The following EFCAB6 variants were observed in gnomAD, a reference collection of about 807,000 sequenced individuals.
The protein encoded by EFCAB6 is EF-hand calcium binding domain 6.
Under a neutral mutation model 169.8 loss-of-function variants are expected in EFCAB6, and 156 were observed. That is an observed-to-expected ratio of 0.92 (90% CI 0.81 to 1.05). The LOEUF is 1.05. EFCAB6 is among the 50% of genes least tolerant of loss of function. The pLI, the probability that EFCAB6 is intolerant of heterozygous loss-of-function variation, is 0.00. For synonymous variants in EFCAB6, 698 were observed against 676.4 expected, an observed-to-expected ratio of 1.03 and a Z score of -0.50; for missense variants, 1,800 against 1,829.1, an observed-to-expected ratio of 0.98 and a Z score of 0.29.
intron 7 of EFCAB6, among the ~76,000 whole-genome samples, chr22:43,733,908 C>T (rs1227511783): frequency 1.3e-5 from 2 of 152,058 alleles, no homozygotes; most frequent in Non-Finnish European, 2.9e-5. Context: ...GGGGTTTCAC[C>T]ATGTTGGCCA....
chr22:43,782,005 T>C (rs2061837486), intron 3 of EFCAB6, among the ~76,000 whole-genome samples, 175 bp downstream of exon 3: 1 of 152,206 alleles, frequency 6.6e-6, no homozygotes, highest in Non-Finnish European at 1.5e-5. Flanking sequence ...AATAGCTTAA[T>C]CAATCTGTGT....
intron 8 of EFCAB6, among the ~76,000 whole-genome samples, chr22:43,719,305 C>T (rs970032194): frequency 1.3e-5 from 2 of 152,334 alleles, no homozygotes; most frequent in Non-Finnish European, 2.9e-5. Context: ...AAGGATGATG[C>T]TACCCAATGT....
At chr22:43,568,137 C>T (rs2049573996) in intron 26 of EFCAB6, among the ~76,000 whole-genome samples, 1 of 152,176 alleles carries the variant, frequency 6.6e-6, no homozygotes. Flanking sequence ...TCATTGTCCC[C>T]ACCACAAGCC....
chr22:43,738,662 C>T lies in EFCAB6; in HGVS notation c.508-2669G>A, dbSNP rs550300227. On this transcript the variant is annotated intron_variant, in intron 6 of 31. Transcript: ENST00000262726. The stretch of plus-strand genomic sequence containing the variant: ...ACACACACTTGCATATACTGTCATA[C>T]ACACCATCACACACACTTGCACATA... Among the ~76,000 whole-genome samples the T allele has an allele frequency of 3.9e-5, 6 of 152,190 alleles. 1 individual carries two copies. The South Asian group carries it at 1.0e-3, about 26-fold the overall frequency.
At chr22:43,594,050 CG>C (rs1348613620) in intron 23 of EFCAB6, among the ~76,000 whole-genome samples, 3 of 151,876 alleles carry the variant, frequency 2.0e-5, no homozygotes, top group Non-Finnish European at 4.4e-5. Context: ...CCGAGGTGGG[CG>C]GATCACCTGA....
intron 24 of EFCAB6, among the ~76,000 whole-genome samples, chr22:43,586,622 C>T (rs1296564584): frequency 6.6e-6 from 1 of 152,020 alleles, no homozygotes; most frequent in Non-Finnish European, 1.5e-5. Flanking sequence ...GAGAATAAGA[C>T]TTCCAGTTAA....
At position 43,671,960 on chromosome 22, in the gene EFCAB6, A is replaced by G; in HGVS notation, c.1640+13T>C. ...AAACACGACATGAATTAATTTTGTT[A>G]CAAAAAACTTACTTTATGAAATGTG... On this transcript the variant is annotated intron_variant, in intron 15 of 31. Coordinates refer to ENST00000262726, the MANE Select transcript of EFCAB6 (RefSeq NM_022785.4). 6.2e-7 allele frequency: 1 copy of G among 1,610,294 alleles called. No individual in the cohort carries two copies.
intron 2 of EFCAB6, among the ~76,000 whole-genome samples, chr22:43,783,170 A>C (rs2061893016): frequency 6.6e-6 from 1 of 152,224 alleles, no homozygotes; most frequent in Admixed American, 6.5e-5. Context: ...ACAGCCTATC[A>C]TGAAGAGGCA....
intron 17 of EFCAB6, among the ~76,000 whole-genome samples, chr22:43,666,041 G>A (rs576475282): frequency 1.3e-5 from 2 of 152,292 alleles, no homozygotes; most frequent in Admixed American, 1.3e-4. Context: ...ACCTGCCTTG[G>A]CCTCCCAAAG....
At chr22:43,542,962 G>A (rs184321866) in intron 27 of EFCAB6, among the ~76,000 whole-genome samples, 58 of 152,322 alleles carry the variant, frequency 3.8e-4, no homozygotes, top group African/African-American at 1.3e-3. Context: ...GTCTCCTTGA[G>A]CCACCAGCTG....
intron 8 of EFCAB6, among the ~76,000 whole-genome samples, chr22:43,720,023 CA>C (rs1484009191): frequency 6.6e-6 from 1 of 151,910 alleles, no homozygotes; most frequent in African/African-American, 2.4e-5. Flanking sequence ...TCACCACACA[CA>C]AAAAAAGGTA....
chr22:43,620,239 G>C (rs1476518207), intron 20 of EFCAB6, among the ~76,000 whole-genome samples: 2 of 152,108 alleles, frequency 1.3e-5, no homozygotes, highest in Non-Finnish European at 2.9e-5. Flanking sequence ...GACCTGGGAG[G>C]TCAAGGCTGC....
At chr22:43,790,880 A>G (rs1413282006) in intron 2 of EFCAB6, among the ~76,000 whole-genome samples, 1 of 152,218 alleles carries the variant, frequency 6.6e-6, no homozygotes, top group East Asian at 1.9e-4. Context: ...CTGAAGGAGG[A>G]GTCCATCATA....
intron 2 of EFCAB6, among the ~76,000 whole-genome samples, chr22:43,789,659 C>T (rs557037497): frequency 2.6e-5 from 4 of 152,180 alleles, no homozygotes; most frequent in South Asian, 4.2e-4. Flanking sequence ...ATTTTTAATT[C>T]GTAGATACTG....
intron 5 of EFCAB6, among the ~76,000 whole-genome samples, chr22:43,763,786 TTTTGAGACAGAGTCTCAC>T (rs766360179): frequency 2.0e-5 from 3 of 152,208 alleles, no homozygotes; most frequent in Admixed American, 6.5e-5. Flanking sequence ...ATTTTTATTC[TTTTGAGACAGAGTCTCAC>T]TTTGTCACCC....
At position 43,735,914 on chromosome 22, in the gene EFCAB6, TCCTGCGGTCGAA is replaced by T. The variant is rs1381818287; in HGVS notation, c.575_586del (p.Val192_Gln195del). On this transcript the variant is annotated inframe_deletion, in exon 7 of 32. Transcript: ENST00000262726. ...GAAGGTCTCCAGAACCCTTCTTAGC[TCCTGCGGTCGAA>T]CCAGTCCAGTCTTGTTAACATCAAT... The T allele has an allele frequency of 6.2e-7, 1 of 1,614,074 alleles. No homozygotes were observed. Among genetic ancestry groups the T allele is most frequent in the African/African-American group, 1.3e-5 (1 of 74,934 alleles).
intron 26 of EFCAB6, among the ~76,000 whole-genome samples, chr22:43,562,992 G>A (rs914944709): frequency 3.9e-5 from 6 of 152,276 alleles, no homozygotes; most frequent in South Asian, 2.1e-4. Context: ...TATCTGGGAC[G>A]AGCCCTTCAG....
intron 8 of EFCAB6, among the ~76,000 whole-genome samples, chr22:43,731,171 G>T (rs1171268744): frequency 1.3e-5 from 2 of 152,174 alleles, no homozygotes; most frequent in African/African-American, 4.8e-5. Context: ...GCGTCGTATG[G>T]AGGAGGCTGG....
chr22:43,675,341 AT>A (rs2057687873), intron 13 of EFCAB6, among the ~76,000 whole-genome samples: 1 of 53,866 alleles, frequency 1.9e-5, no homozygotes, highest in East Asian at 1.4e-3. Context: ...ATAATATAAT[AT>A]ACTATATTAT....
Sources: gnomAD v4.1 joint callset for allele counts (sites outside exome capture counted in the v4.1 genomes callset) on GRCh38, gnomAD v4.1.1 for gene constraint, MANE v1.5 for transcripts, NCBI Gene and HGNC (gene_info 2026-07-23, HGNC 2026-07-21) for gene names.